The following ANO4 variants were observed in gnomAD, a reference collection of about 807,000 sequenced individuals.
ANO4 encodes anoctamin-4.
ANO4 carries 69 observed loss-of-function variants against 141.9 expected under a neutral mutation model. The observed-to-expected ratio is 0.49, with a 90% confidence interval of 0.40 to 0.59. The LOEUF (loss-of-function observed/expected upper bound fraction) is 0.59. ANO4 is among the 20% of genes least tolerant of loss of function. ANO4 has a pLI of 0.00. For missense variants in ANO4, 894 were observed against 1,162.2 expected (o/e 0.77, Z 3.36); for synonymous variants, 350 against 394.3 (o/e 0.89, Z 1.33).
intron 3 of ANO4, among the ~76,000 whole-genome samples, chr12:100,744,920 C>T (rs1047820439): frequency 1.3e-5 from 2 of 151,852 alleles, no homozygotes; most frequent in African/African-American, 4.8e-5. Flanking sequence ...CCCTCACTCC[C>T]CCTCACTTTC....
chr12:100,917,430 C>T (rs1035774077), intron 2 of ANO4, among the ~76,000 whole-genome samples: 4 of 152,096 alleles, frequency 2.6e-5, no homozygotes, highest in African/African-American at 9.7e-5. Flanking sequence ...TGGCAAAGAA[C>T]TCAGATTCTT....
chr12:100,963,160 T>C (rs1327255338), intron 5 of ANO4, among the ~76,000 whole-genome samples: 3 of 152,142 alleles, frequency 2.0e-5, no homozygotes, highest in African/African-American at 7.2e-5. Context: ...GGTGCCACAA[T>C]GACCACTGGC....
At chr12:100,780,601 T>C (rs1176133245) in intron 3 of ANO4, among the ~76,000 whole-genome samples, 1 of 152,220 alleles carries the variant, frequency 6.6e-6, no homozygotes, top group African/African-American at 2.4e-5. Context: ...ATAATTAGTG[T>C]ATAATGAGCA....
chr12:101,043,646 A>G lies in ANO4; in HGVS notation c.1251+11A>G, dbSNP rs368455465. 2.1e-4 allele frequency: 328 copies of G among 1,584,642 alleles called. No homozygotes were observed. Among genetic ancestry groups the G allele is most frequent in the Non-Finnish European group, 2.7e-4 (309 of 1,153,928 alleles). On this transcript the variant is annotated intron_variant, in intron 13 of 27. Transcript: ENST00000392977. Reference sequence around the variant, plus strand: ...TGTGTATATGCCAAGGTAATTTCAAACTGTAGCATTTTAGATGAATTGAAT... The same window carrying G: ...TGTGTATATGCCAAGGTAATTTCAAGCTGTAGCATTTTAGATGAATTGAAT...
At chr12:100,922,151 G>C (rs1009582707) in intron 2 of ANO4, 75 bp from the exon 3 acceptor site, 16 of 1,064,912 alleles carry the variant, frequency 1.5e-5, no homozygotes, top group Middle Eastern at 2.1e-4. Context: ...TTTTGACATA[G>C]CTTCTCCTTG....
intron 1 of ANO4, among the ~76,000 whole-genome samples, chr12:100,803,107 G>C (rs1462143972): frequency 6.6e-6 from 1 of 152,182 alleles, no homozygotes; most frequent in East Asian, 1.9e-4. Context: ...GACTAAAGTT[G>C]TCAGAATTTA....
intron 8 of ANO4, among the ~76,000 whole-genome samples, chr12:101,016,006 C>T (rs200429745): frequency 5.3e-5 from 8 of 152,064 alleles, no homozygotes; most frequent in Middle Eastern, 3.2e-3. Flanking sequence ...TTCCACACCC[C>T]GCAGGAAGAT....
chr12:100,733,140 A>C (rs1226775371), intron 1 of ANO4, among the ~76,000 whole-genome samples: 1 of 152,088 alleles, frequency 6.6e-6, no homozygotes, highest in Admixed American at 6.5e-5. Context: ...ATCTTCCTAA[A>C]ACAAAAATAG....
chr12:101,097,067 C>G (rs2050014284), intron 19 of ANO4, among the ~76,000 whole-genome samples: 1 of 152,142 alleles, frequency 6.6e-6, no homozygotes, highest in East Asian at 1.9e-4. Context: ...AAATGGGATA[C>G]AGAGGATGCT....
intron 1 of ANO4, among the ~76,000 whole-genome samples, chr12:100,884,536 G>C (rs2039731740): frequency 6.6e-6 from 1 of 152,136 alleles, no homozygotes; most frequent in Admixed American, 6.5e-5. Context: ...TATTGCTTCT[G>C]TAACAAATTA....
intron 3 of ANO4, among the ~76,000 whole-genome samples, chr12:100,766,779 A>G (rs539093201): frequency 6.6e-6 from 1 of 152,248 alleles, no homozygotes; most frequent in South Asian, 2.1e-4. Flanking sequence ...ATTTTCTGGC[A>G]GAATAAACTG....
intron 3 of ANO4, among the ~76,000 whole-genome samples, chr12:100,763,820 G>A (rs2032972604): frequency 6.6e-6 from 1 of 152,116 alleles, no homozygotes; most frequent in Non-Finnish European, 1.5e-5. Context: ...GTGTTATGAT[G>A]TCCTGGCACT....
At chr12:100,731,518 C>T (rs1044561069) in intron 1 of ANO4, among the ~76,000 whole-genome samples, 1 of 152,150 alleles carries the variant, frequency 6.6e-6, no homozygotes, top group African/African-American at 2.4e-5. Flanking sequence ...GTCATAATCA[C>T]CCAAAATCCA....
At chr12:100,836,931 C>A (rs1462882056) in intron 1 of ANO4, among the ~76,000 whole-genome samples, 2 of 152,096 alleles carry the variant, frequency 1.3e-5, no homozygotes, top group East Asian at 3.9e-4. Context: ...ACTTTGACTG[C>A]AGGTCTAGAA....
intron 5 of ANO4, among the ~76,000 whole-genome samples, chr12:100,948,528 T>C (rs955972315): frequency 1.6e-4 from 25 of 152,218 alleles, no homozygotes; most frequent in African/African-American, 5.5e-4. Context: ...GTTGTTCAGC[T>C]ACCTTCTATT....
chr12:100,784,738 G>A (rs947331089), intron 3 of ANO4, among the ~76,000 whole-genome samples: 1 of 152,186 alleles, frequency 6.6e-6, no homozygotes, highest in African/African-American at 2.4e-5. Context: ...TTCACGATAT[G>A]TTCCCAGTGT....
intron 3 of ANO4, among the ~76,000 whole-genome samples, chr12:100,937,986 C>G (rs116271775): frequency 0.012 from 1,785 of 152,284 alleles, 31 homozygotes; most frequent in African/African-American, 0.04. Context: ...TCTATAAAAT[C>G]CTTTCGGTGA....
At chr12:100,939,183 T>A in intron 3 of ANO4, 132 bp from the exon 4 acceptor site, 1 of 906,032 alleles carries the variant, frequency 1.1e-6, no homozygotes, top group Non-Finnish European at 1.6e-6. Context: ...TAGGAAATAA[T>A]ATGCTTGTCA....
chr12:100,848,491 G>C (rs937935591), intron 1 of ANO4, among the ~76,000 whole-genome samples: 7 of 152,192 alleles, frequency 4.6e-5, no homozygotes, highest in Non-Finnish European at 8.8e-5. Context: ...GGGTGGGACT[G>C]AAAATCAAAC....
Sources: gnomAD v4.1 joint callset for allele counts (sites outside exome capture counted in the v4.1 genomes callset) on GRCh38, gnomAD v4.1.1 for gene constraint, MANE v1.5 for transcripts, NCBI Gene and HGNC (gene_info 2026-07-23, HGNC 2026-07-21) for gene names.